The following ROCK2 variants were observed in gnomAD, a reference collection of about 807,000 sequenced individuals.
ROCK2 encodes rho-associated protein kinase 2.
A neutral mutation model predicts 195.1 loss-of-function variants in ROCK2; 61 were observed. That is an observed-to-expected ratio of 0.31 (90% CI 0.25 to 0.39). The LOEUF (loss-of-function observed/expected upper bound fraction) is 0.39, where lower values mean the gene tolerates loss of function less well. ROCK2 is among the 10% of genes least tolerant of loss of function. The pLI is 1.00. For synonymous variants in ROCK2, 504 were observed against 545.5 expected (o/e 0.92, Z 1.06); for missense variants, 1,109 against 1,637.4 (o/e 0.68, Z 5.57).
intron 17 of ROCK2, among the ~76,000 whole-genome samples, chr2:11,213,910 C>G (rs1664335299): frequency 1.3e-5 from 2 of 152,200 alleles, no homozygotes; most frequent in African/African-American, 4.8e-5. Flanking sequence ...CCACATATAA[C>G]ACACTGAATA....
intron 3 of ROCK2, among the ~76,000 whole-genome samples, chr2:11,259,848 C>A (rs1666163258): frequency 1.3e-5 from 2 of 151,204 alleles, no homozygotes; most frequent in Admixed American, 6.6e-5. Flanking sequence ...TAAGTAATGA[C>A]AAGAATCATG....
intron 23 of ROCK2, among the ~76,000 whole-genome samples, chr2:11,199,318 T>C (rs550900231): frequency 3.0e-3 from 457 of 151,730 alleles, no homozygotes; most frequent in African/African-American, 9.1e-3. Context: ...TTTTTTTTTT[T>C]TCTCTCTTTT....
intron 9 of ROCK2, among the ~76,000 whole-genome samples, chr2:11,219,968 T>A (rs1257963605): frequency 6.6e-6 from 1 of 151,468 alleles, no homozygotes; most frequent in Non-Finnish European, 1.5e-5. Flanking sequence ...CATCTCAGCC[T>A]CTGAGTACCT....
chr2:11,317,179 T>C (rs1218027031), intron 1 of ROCK2, among the ~76,000 whole-genome samples: 3 of 152,100 alleles, frequency 2.0e-5, no homozygotes, highest in Non-Finnish European at 4.4e-5. Flanking sequence ...ACATGTAACT[T>C]ATGTCAACAT....
In ROCK2 at chr2:11,238,793, G is replaced by C. The variant is rs1333314854; in HGVS notation, c.463-2831C>G. On this transcript the variant is annotated intron_variant, in intron 4 of 32. Coordinates refer to ENST00000315872, the MANE Select transcript of ROCK2 (RefSeq NM_004850.5). ...CCCAGGATTTTGAGGTTTACAGTGA[G>C]TTACAATTGCACCACTGTACTCCAG... Among the ~76,000 whole-genome samples, 3 of 152,098 alleles carry C rather than the reference G, an allele frequency of 2.0e-5. No individual in the cohort carries two copies. In the East Asian group the frequency reaches 5.8e-4, roughly 29 times the overall value.
rs540441050 is a variant in ROCK2, at chr2:11,332,104, C to T, written c.141+11892G>A. Among the ~76,000 whole-genome samples the T allele has an allele frequency of 3.3e-5, 5 of 151,818 alleles. No homozygotes were observed. In the East Asian group the frequency reaches 5.8e-4, roughly 18 times the overall value. ...GCTGCAGTGAGCTATGATCACACTG[C>T]GCTCCAGCATGGACAACAGAGTGAG... is the stretch of plus-strand genomic sequence containing the variant. On this transcript the variant is annotated intron_variant, in intron 1 of 32. Transcript: ENST00000315872.
At chr2:11,269,583 TTTTGA>T (rs1666552115) in intron 3 of ROCK2, among the ~76,000 whole-genome samples, 1 of 152,176 alleles carries the variant, frequency 6.6e-6, no homozygotes, top group African/African-American at 2.4e-5. Context: ...GGACGGTTTC[TTTTGA>T]TTTGTTTTTG....
intron 1 of ROCK2, among the ~76,000 whole-genome samples, chr2:11,328,106 A>C (rs1668602674): frequency 6.6e-6 from 1 of 152,138 alleles, no homozygotes; most frequent in South Asian, 2.1e-4. Context: ...TGAAACTTCT[A>C]TCCCCAAAGT....
chr2:11,231,683 GT>G lies in ROCK2; in HGVS notation c.723+4018del, dbSNP rs995089675. Among the ~76,000 whole-genome samples the G allele has an allele frequency of 3.5e-3, 530 of 149,850 alleles. 4 individuals carry two copies. Among genetic ancestry groups the G allele is most frequent in the African/African-American group, 0.013 (512 of 40,960 alleles). ...GTGACTCTCACTCACATTTAGATAA[GT>G]TTTTTTTTTCCTGAGAGAATAAGGG... On this transcript the variant is annotated intron_variant, in intron 5 of 32. Transcript: ENST00000315872.
rs1401672681 is a variant in ROCK2 at position 11,262,315 on chromosome 2, T to A, written c.325-12517A>T. On this transcript the variant is annotated intron_variant, in intron 3 of 32. Coordinates refer to ENST00000315872, the MANE Select transcript of ROCK2 (RefSeq NM_004850.5). ...AGGGGTTATAACATAACTGATAAAA[T>A]CTTTGGTAATTTTTATTCTTATTTT... Among the ~76,000 whole-genome samples the A allele has an allele frequency of 3.3e-5, 5 of 152,248 alleles. No homozygotes were observed. The East Asian group carries it at 9.6e-4, about 29-fold the overall frequency.
chr2:11,190,072 G>A (rs970315232), intron 32 of ROCK2, among the ~76,000 whole-genome samples: 3 of 152,082 alleles, frequency 2.0e-5, no homozygotes, highest in African/African-American at 7.2e-5. Flanking sequence ...AGGAGTACAT[G>A]AAACAATGGA....
intron 1 of ROCK2, chr2:11,309,009 T>C: frequency 5.0e-6 from 8 of 1,591,424 alleles, no homozygotes; most frequent in Non-Finnish European, 6.9e-6. Flanking sequence ...TAGCTCTGTG[T>C]AGCGTATTCA....
chr2:11,198,464 A>G (rs1663720650), intron 25 of ROCK2, 27 bp downstream of exon 25: 1 of 1,470,728 alleles, frequency 6.8e-7, no homozygotes, highest in African/African-American at 1.4e-5. Flanking sequence ...AAAATTCAAA[A>G]TCATATTTAG....
intron 20 of ROCK2, among the ~76,000 whole-genome samples, chr2:11,204,010 G>C (rs1403220000): frequency 6.6e-6 from 1 of 152,110 alleles, no homozygotes; most frequent in Non-Finnish European, 1.5e-5. Flanking sequence ...ATTTCAGAAA[G>C]AACCATGTAA....
At chr2:11,253,014 A>AT (rs1665893183) in intron 3 of ROCK2, among the ~76,000 whole-genome samples, 1 of 57,470 alleles carries the variant, frequency 1.7e-5, no homozygotes, top group South Asian at 8.8e-4. Flanking sequence ...CAGAATCTAT[A>AT]CTATTTCTAC....
At chr2:11,224,887 T>C (rs1664761109) in intron 6 of ROCK2, among the ~76,000 whole-genome samples, 1 of 152,164 alleles carries the variant, frequency 6.6e-6, no homozygotes, top group Non-Finnish European at 1.5e-5. Context: ...CCACTAGCTA[T>C]AGGTGGCAAT....
At chr2:11,260,185 C>T (rs1183402761) in intron 3 of ROCK2, among the ~76,000 whole-genome samples, 2 of 151,354 alleles carry the variant, frequency 1.3e-5, no homozygotes, top group Non-Finnish European at 2.9e-5. Flanking sequence ...TGGTGGCTCA[C>T]GCCTGTAATC....
intron 23 of ROCK2, 109 bp from the exon 24 acceptor site, chr2:11,198,883 C>CTTTTTT: frequency 2.1e-6 from 1 of 483,264 alleles, no homozygotes; most frequent in Non-Finnish European, 3.5e-6. Context: ...TCTTATTTTT[C>CTTTTTT]TTTTTTTTTT....
At position 11,183,400 on chromosome 2, in the gene ROCK2, G is replaced by A. The variant is rs1252026003; in HGVS notation, c.*37C>T. 7 of 1,572,768 alleles carry A rather than the reference G, an allele frequency of 4.5e-6. No individual in the cohort carries two copies. The highest frequency in any genetic ancestry group is 2.3e-5 in the South Asian group (2 of 85,884). ...AGTCTTGTTTTCACTGGAAGAATAC[G>A]ATCACCTTGAATAATGACTGCTTTC... On this transcript the variant is annotated 3_prime_UTR_variant, in exon 33 of 33. Transcript: ENST00000315872.
Sources: gnomAD v4.1 joint callset for allele counts (sites outside exome capture counted in the v4.1 genomes callset) on GRCh38, gnomAD v4.1.1 for gene constraint, MANE v1.5 for transcripts, NCBI Gene and HGNC (gene_info 2026-07-23, HGNC 2026-07-21) for gene names.